Variants in SPPL3 observed in about 807,000 individuals in gnomAD.
SPPL3 encodes signal peptide peptidase like 3.
In SPPL3, 5 loss-of-function variants were observed where a neutral mutation model predicts 42.4. The observed-to-expected ratio is 0.12, with a 90% confidence interval of 0.06 to 0.25. The LOEUF is 0.25. Ranked by LOEUF, SPPL3 falls within the 10% of genes least tolerant of loss-of-function variation. The pLI is 1.00. For missense variants in SPPL3, 235 were observed against 489.0 expected (o/e 0.48, Z 4.90); for synonymous variants, 195 against 181.8 (o/e 1.07, Z -0.58).
At chr12:120,851,531 G>A (rs1872224214) in intron 1 of SPPL3, among the ~76,000 whole-genome samples, 1 of 152,076 alleles carries the variant, frequency 6.6e-6, no homozygotes, top group Non-Finnish European at 1.5e-5. Context: ...TAGCTCAGGA[G>A]CTTCTGGGCA....
rs554721744 is a variant in SPPL3 at position 120,768,769 on chromosome 12, T to A, written c.609+184A>T. ...GGAGTCACACACACACACTACCTAC[T>A]GTACGACTTTTCAGCAAACAAAAGG... On this transcript the variant is annotated intron_variant, in intron 7 of 10. Transcript: ENST00000353487. The A allele has an allele frequency of 3.9e-5, 25 of 641,052 alleles. 1 individual carries two copies. The South Asian group carries it at 4.7e-4, about 12-fold the overall frequency. The allele number at this position is 641,052 out of a possible 1,614,324, so 39.7% of individuals were successfully genotyped here. A position where few individuals can be genotyped will look rare whatever the true frequency, so the allele number is the denominator to read the frequency against.
chr12:120,802,433 T>TA (rs1250275570), intron 2 of SPPL3, among the ~76,000 whole-genome samples: 1,200 of 92,062 alleles, frequency 0.013, 9 homozygotes, highest in East Asian at 0.021. Context: ...ATATATATAT[T>TA]TTTTTTTTTT....
intron 3 of SPPL3, among the ~76,000 whole-genome samples, chr12:120,784,813 T>G (rs980568231): frequency 2.0e-5 from 3 of 152,112 alleles, no homozygotes; most frequent in African/African-American, 7.2e-5. Context: ...GGAATATTTG[T>G]TGAAGTGAAC....
chr12:120,803,495 C>T (rs774057931), intron 2 of SPPL3, among the ~76,000 whole-genome samples: 1 of 151,714 alleles, frequency 6.6e-6, no homozygotes, highest in African/African-American at 2.4e-5. Context: ...GAATTTTTAA[C>T]CTTAACATTA....
Position 120,782,599 on chromosome 12 carries a change from G to GT in SPPL3, c.502+55dup. The GT allele has an allele frequency of 2.3e-6, 3 of 1,303,828 alleles. No individual in the cohort carries two copies. In the South Asian group the frequency reaches 3.8e-5, roughly 17 times the overall value. 80.8% of individuals were successfully genotyped at this position (1,303,828 alleles called of 1,614,324 possible). ...TGTACAGCTCTGTGAATATCCTAAA[G>GT]TATCTATAAAACTCTATAAAGTAAA... On this transcript the variant is annotated intron_variant, in intron 6 of 10. Coordinates refer to ENST00000353487, the MANE Select transcript of SPPL3 (RefSeq NM_139015.5).
At chr12:120,877,777 G>A (rs1380739455) in intron 1 of SPPL3, among the ~76,000 whole-genome samples, 2 of 109,996 alleles carry the variant, frequency 1.8e-5, no homozygotes, top group African/African-American at 2.9e-5. Context: ...GTGAAACTCC[G>A]TCTTAAAAAA....
rs116801140 is a variant in SPPL3 at position 120,802,901 on chromosome 12, G to A, written c.101+7908C>T. ...TTGCCCACTGTGCACCTTCAATTTT[G>A]GCAAAACTGCTTTTGCTGAAATACA... On this transcript the variant is annotated intron_variant, in intron 2 of 10. Coordinates refer to ENST00000353487, the MANE Select transcript of SPPL3 (RefSeq NM_139015.5). 2.1e-3 allele frequency among the ~76,000 whole-genome samples: 324 copies of A among 152,168 alleles called. 1 individual carries two copies. The highest frequency in any genetic ancestry group is 7.6e-3 in the African/African-American group (314 of 41,502).
chr12:120,863,863 G>A (rs940394948), intron 1 of SPPL3, among the ~76,000 whole-genome samples: 2 of 147,808 alleles, frequency 1.4e-5, no homozygotes, highest in South Asian at 2.1e-4. Context: ...TTTTCTTGCA[G>A]AGATGGAGCC....
chr12:120,776,395 TGTAAAACAGACCCTTTA>T (rs911836952), intron 6 of SPPL3, among the ~76,000 whole-genome samples: 3 of 152,320 alleles, frequency 2.0e-5, no homozygotes, highest in African/African-American at 7.2e-5. Flanking sequence ...GGACTCGCAT[TGTAAAACAGACCCTTTA>T]GTATGTCTTA....
At chr12:120,859,431 G>A (rs534300020) in intron 1 of SPPL3, among the ~76,000 whole-genome samples, 28 of 152,224 alleles carry the variant, frequency 1.8e-4, no homozygotes, top group African/African-American at 6.3e-4. Context: ...TATGTAAATC[G>A]TCTTTTCAAG....
At chr12:120,799,860 G>C (rs1184007780) in intron 2 of SPPL3, among the ~76,000 whole-genome samples, 1 of 152,054 alleles carries the variant, frequency 6.6e-6, no homozygotes, top group Admixed American at 6.6e-5. Flanking sequence ...CTATGACTGG[G>C]GTCCGGTAAA....
chr12:120,851,767 C>T (rs1021995840), intron 1 of SPPL3, among the ~76,000 whole-genome samples: 3 of 152,066 alleles, frequency 2.0e-5, no homozygotes, highest in African/African-American at 7.2e-5. Context: ...CCACACCTGG[C>T]TAATTTTTGC....
chr12:120,896,490 A>G lies in SPPL3; in HGVS notation c.23+7355T>C, dbSNP rs1873806348. ...AAGAAAATACATGATAGAAAGTGAA[A>G]GTTGGCCAGGCATGGTGCCTCATGC... On this transcript the variant is annotated intron_variant, in intron 1 of 10. Coordinates refer to ENST00000353487, the MANE Select transcript of SPPL3 (RefSeq NM_139015.5). Among the ~76,000 whole-genome samples the G allele has an allele frequency of 2.0e-5, 3 of 152,138 alleles. No homozygotes were observed. In the South Asian group the frequency reaches 6.2e-4, roughly 32 times the overall value.
chr12:120,879,833 A>G (rs1162737535), intron 1 of SPPL3, among the ~76,000 whole-genome samples: 1 of 152,144 alleles, frequency 6.6e-6, no homozygotes, highest in Non-Finnish European at 1.5e-5. Context: ...ATACACATGC[A>G]GTCAAATGTG....
rs770446308 is a variant in SPPL3, at chr12:120,868,732, G to A, written c.23+35113C>T. Among the ~76,000 whole-genome samples the A allele has an allele frequency of 5.3e-5, 8 of 152,132 alleles. No homozygotes were observed. The East Asian group carries it at 5.8e-4, about 11-fold the overall frequency. ...CTTGACCTCGTCATCCACCCACCTC[G>A]GCCTCCCAAAGTGCTGAGATTACAG... On this transcript the variant is annotated intron_variant, in intron 1 of 10. Coordinates refer to ENST00000353487, the MANE Select transcript of SPPL3 (RefSeq NM_139015.5).
intron 1 of SPPL3, among the ~76,000 whole-genome samples, chr12:120,861,653 G>T (rs983223360): frequency 6.6e-6 from 1 of 152,192 alleles, no homozygotes; most frequent in Admixed American, 6.5e-5. Context: ...TCTGGCAGGG[G>T]AGTACGCTGA....
chr12:120,822,293 T>C (rs1165223106), intron 1 of SPPL3, among the ~76,000 whole-genome samples: 1 of 152,238 alleles, frequency 6.6e-6, no homozygotes, highest in Non-Finnish European at 1.5e-5. Flanking sequence ...ACAACTTTTA[T>C]AAAACTTAAG....
chr12:120,798,125 A>T (rs1221204395), intron 2 of SPPL3, among the ~76,000 whole-genome samples: 1 of 152,164 alleles, frequency 6.6e-6, no homozygotes, highest in African/African-American at 2.4e-5. Flanking sequence ...AGCAGGACCA[A>T]AACACAGCGA....
chr12:120,859,570 CT>C (rs1872564579), intron 1 of SPPL3, among the ~76,000 whole-genome samples: 1 of 152,172 alleles, frequency 6.6e-6, no homozygotes, highest in Admixed American at 6.5e-5. Context: ...TCAAATAATT[CT>C]TTTTGAAACT....
Sources: gnomAD v4.1 joint callset for allele counts (sites outside exome capture counted in the v4.1 genomes callset) on GRCh38, gnomAD v4.1.1 for gene constraint, MANE v1.5 for transcripts, NCBI Gene and HGNC (gene_info 2026-07-23, HGNC 2026-07-21) for gene names.